Variants in CEP78 observed in about 807,000 individuals in gnomAD.
The protein encoded by CEP78 is centrosomal protein of 78 kDa.
A neutral mutation model predicts 81.2 loss-of-function variants in CEP78; 76 were observed. The ratio of observed to expected loss-of-function variants is 0.94; its 90% CI spans 0.78 to 1.13. The LOEUF (loss-of-function observed/expected upper bound fraction) is 1.13, where lower values mean the gene tolerates loss of function less well. CEP78 is among the 50% of genes most tolerant of loss of function. CEP78 has a pLI of 0.00. For synonymous variants in CEP78, 293 were observed against 301.4 expected, an observed-to-expected ratio of 0.97 and a Z score of 0.29; for missense variants, 918 against 846.8, an observed-to-expected ratio of 1.08 and a Z score of -1.04.
Position 78,265,855 on chromosome 9 carries a change from C to A in CEP78, c.1798-4C>A. On this transcript the variant is annotated splice_region_variant and splice_polypyrimidine_tract_variant and intron_variant, in intron 14 of 16. Coordinates refer to ENST00000643273, the MANE Select transcript of CEP78 (RefSeq NM_001330691.3). ...AATGTCTATTCTATTCATATTCCAT[C>A]TAGGTTTCTATTTGTATGCAGTCAG... 7.6e-7 allele frequency: 1 copy of A among 1,322,114 alleles called. No individual in the cohort carries two copies. The highest frequency in any genetic ancestry group is 1.1e-6 in the Non-Finnish European group (1 of 937,854). The allele number at this position is 1,322,114 out of a possible 1,614,324, so 81.9% of individuals were successfully genotyped here. A position where few individuals can be genotyped will look rare whatever the true frequency, so the allele number is the denominator to read the frequency against.
Position 78,240,351 on chromosome 9 carries a change from T to G in CEP78, c.486T>G (p.Asp162Glu), listed in dbSNP as rs987310914. Residue 162 changes from aspartate (D) to glutamate (E), a missense_variant, in exon 3 of 17, where the codon GAT (aspartate) becomes GAG (glutamate). Transcript: ENST00000643273. ...CTCTTGCAAATTGTCCAATTGGAGA[T>G]GGAGGTTTAGAAAGTGAGTTTAAAT... is the stretch of plus-strand genomic sequence containing the variant. The part of the protein sequence containing the change: ...HLSLANCPIG[D>E]GGLEIICQGI... 3 of 1,583,290 alleles carry G rather than the reference T, an allele frequency of 1.9e-6. No homozygotes were observed. Among genetic ancestry groups the G allele is most frequent in the Middle Eastern group, 1.7e-4 (1 of 6,046 alleles).
At chr9:78,254,448 ACT>A (rs952391235) in intron 10 of CEP78, 1 of 152,870 alleles carries the variant, frequency 6.5e-6, no homozygotes, top group African/African-American at 2.4e-5. Context: ...TGTCTTTAAG[ACT>A]CTGTGTGTGA....
chr9:78,270,930 A>G lies in CEP78; in HGVS notation c.*79A>G, dbSNP rs1439812117. On this transcript the variant is annotated 3_prime_UTR_variant, in exon 17 of 17. Transcript: ENST00000643273. ...ATTTGAACAGTGAAATTTCTGGAAG[A>G]TAAGAAGCAGATGATTTAAGTACCA... is the stretch of plus-strand genomic sequence containing the variant. The G allele has an allele frequency of 9.4e-6, 6 of 640,832 alleles. No homozygotes were observed. Among genetic ancestry groups the G allele is most frequent in the Non-Finnish European group, 8.3e-6 (3 of 362,344 alleles). 39.7% of individuals were successfully genotyped at this position (640,832 alleles called of 1,614,324 possible).
chr9:78,248,432 C>A, intron 7 of CEP78, 77 bp downstream of exon 7: 1 of 953,132 alleles, frequency 1.0e-6, no homozygotes, highest in Non-Finnish European at 1.7e-6. Context: ...TACTGCCCAG[C>A]CTGGCCTCAA....
chr9:78,237,567 T>C (rs1826014467), intron 1 of CEP78, among the ~76,000 whole-genome samples: 1 of 152,058 alleles, frequency 6.6e-6, no homozygotes, highest in Non-Finnish European at 1.5e-5. Flanking sequence ...GTTACAGGAC[T>C]GGAATTTAGG....
intron 11 of CEP78, among the ~76,000 whole-genome samples, chr9:78,260,294 T>A (rs1218043389): frequency 6.6e-6 from 1 of 152,150 alleles, no homozygotes; most frequent in East Asian, 1.9e-4. Flanking sequence ...ACCTTCATGC[T>A]TAAAAGTGGT....
rs1827751505 is a variant in CEP78, at chr9:78,273,969, C to G, written c.*3118C>G. On this transcript the variant is annotated 3_prime_UTR_variant, in exon 17 of 17. Transcript: ENST00000643273. The stretch of plus-strand genomic sequence containing the variant: ...GTAGGAATGCAAAATGACTCAGTCA[C>G]TCAAAACAGTTTGGCAGATTCTTTA... 1 of 152,238 alleles carries G rather than the reference C, an allele frequency of 6.6e-6. No homozygotes were observed. The highest frequency in any genetic ancestry group is 1.5e-5 in the Non-Finnish European group (1 of 68,036). The allele number at this position is 152,238 out of a possible 1,614,324, so 9.4% of individuals were successfully genotyped here.
At position 78,273,936 on chromosome 9, in the gene CEP78, C is replaced by T. The variant is rs1303352400; in HGVS notation, c.*3085C>T. ...AATATGCAGAGCAACTGGAGTTCCT[C>T]ACAGCTGGTAGGAATGCAAAATGAC... On this transcript the variant is annotated 3_prime_UTR_variant, in exon 17 of 17. Coordinates refer to ENST00000643273, the MANE Select transcript of CEP78 (RefSeq NM_001330691.3). 6.6e-6 allele frequency: 1 copy of T among 152,238 alleles called. No homozygotes were observed. Among genetic ancestry groups the T allele is most frequent in the Admixed American group, 6.5e-5 (1 of 15,280 alleles). 9.4% of individuals were successfully genotyped at this position (152,238 alleles called of 1,614,324 possible). A position where few individuals can be genotyped will look rare whatever the true frequency, so the allele number is the denominator to read the frequency against.
Position 78,236,171 on chromosome 9 carries a change from G to C in CEP78, c.-180G>C, listed in dbSNP as rs1307821797. ...CGCGGGAGTGGGGCGTTGAGGGGCCGGCCTAGCTTGGGGCTCTGGCCTTGC... is the reference window on the plus strand; with the variant it reads ...CGCGGGAGTGGGGCGTTGAGGGGCCCGCCTAGCTTGGGGCTCTGGCCTTGC... On this transcript the variant is annotated 5_prime_UTR_variant, in exon 1 of 17. Coordinates refer to ENST00000643273, the MANE Select transcript of CEP78 (RefSeq NM_001330691.3). The C allele has an allele frequency of 3.4e-6, 2 of 591,222 alleles. No individual in the cohort carries two copies. The highest frequency in any genetic ancestry group is 2.9e-6 in the Non-Finnish European group (1 of 347,126). The allele number at this position is 591,222 out of a possible 1,614,324, so 36.6% of individuals were successfully genotyped here. A position where few individuals can be genotyped will look rare whatever the true frequency, so the allele number is the denominator to read the frequency against.
chr9:78,266,763 T>A, intron 16 of CEP78, 60 bp downstream of exon 16: 1 of 1,593,570 alleles, frequency 6.3e-7, no homozygotes, highest in Admixed American at 1.7e-5. Flanking sequence ...GCATTCCTGA[T>A]CTGACTGTCC....
chr9:78,262,195 A>T (rs1413116958), intron 11 of CEP78, among the ~76,000 whole-genome samples: 1 of 149,150 alleles, frequency 6.7e-6, no homozygotes. Flanking sequence ...CATCATAGGG[A>T]TGTGCTATTT....
At chr9:78,269,293 CATT>C (rs1408771095) in intron 16 of CEP78, among the ~76,000 whole-genome samples, 1 of 152,082 alleles carries the variant, frequency 6.6e-6, no homozygotes, top group African/African-American at 2.4e-5. Flanking sequence ...GTGGTGGTAT[CATT>C]GAGGCTGAGA....
At position 78,236,454 on chromosome 9, in the gene CEP78, G is replaced by A. The variant is rs756200672; in HGVS notation, c.104G>A (p.Arg35His). Residue 35 changes from arginine to histidine, a missense_variant, in exon 1 of 17, where the codon CGC becomes CAC. Coordinates refer to ENST00000643273, the MANE Select transcript of CEP78 (RefSeq NM_001330691.3). ...AACTCGGTGCCGCTGCCCGCCGTGCGCGCCTGTCTCCGGGAGGGCGTGCTG... is the reference window on the plus strand; with the variant it reads ...AACTCGGTGCCGCTGCCCGCCGTGCACGCCTGTCTCCGGGAGGGCGTGCTG... ...LQNSVPLPAVRACLREGVLDF... is the reference protein window; with the variant it reads ...LQNSVPLPAVHACLREGVLDF... The A allele has an allele frequency of 1.2e-6, 2 of 1,605,160 alleles. No individual in the cohort carries two copies. Among genetic ancestry groups the A allele is most frequent in the Non-Finnish European group, 1.7e-6 (2 of 1,176,166 alleles).
chr9:78,246,597 C>A, intron 5 of CEP78, 72 bp from the exon 6 acceptor site: 1 of 968,186 alleles, frequency 1.0e-6, no homozygotes. Context: ...GAGACTCCGT[C>A]TCAAAAAAAC....
In CEP78 at chr9:78,278,612, C is replaced by G. The variant is rs563549242; in HGVS notation, c.*7761C>G. ...CAATCCACTAATGGGTAATGTCCTA[C>G]TGTTTGGAAACACTGGCTAGAGTGT... On this transcript the variant is annotated 3_prime_UTR_variant, in exon 17 of 17. Transcript: ENST00000643273. 16 of 152,326 alleles carry G rather than the reference C, an allele frequency of 1.1e-4. No individual in the cohort carries two copies. Among genetic ancestry groups the G allele is most frequent in the Admixed American group, 9.1e-4 (14 of 15,302 alleles). 9.4% of individuals were successfully genotyped at this position (152,326 alleles called of 1,614,324 possible). A position where few individuals can be genotyped will look rare whatever the true frequency, so the allele number is the denominator to read the frequency against.
In CEP78 at chr9:78,265,370, A is replaced by G. The variant is rs1057518753; in HGVS notation, c.1626-2A>G. The stretch of plus-strand genomic sequence containing the variant: ...TTTTCCTCCTTTTCTTCTCTCGACC[A>G]GGCTTGGGCAGCTTGCCACAATGGC... On this transcript the variant is annotated splice_acceptor_variant, in intron 13 of 16. Transcript: ENST00000643273. LOFTEE classifies it high-confidence loss of function. 6.3e-7 allele frequency: 1 copy of G among 1,575,466 alleles called. No homozygotes were observed. Among genetic ancestry groups the G allele is most frequent in the Non-Finnish European group, 8.6e-7 (1 of 1,165,332 alleles).
intron 1 of CEP78, among the ~76,000 whole-genome samples, chr9:78,238,545 G>A (rs1042939457): frequency 1.9e-4 from 29 of 152,114 alleles, no homozygotes; most frequent in Admixed American, 5.2e-4. Context: ...GAGGGTGTGC[G>A]ATCTGGGAGA....
chr9:78,243,358 GGT>G, intron 4 of CEP78, 102 bp from the exon 5 acceptor site: 4 of 900,764 alleles, frequency 4.4e-6, no homozygotes, highest in Non-Finnish European at 4.9e-6. Context: ...ATATGTACCT[GGT>G]GTGTGTGTAA....
At position 78,270,939 on chromosome 9, in the gene CEP78, A is replaced by T; in HGVS notation, c.*88A>T. The T allele has an allele frequency of 1.6e-6, 1 of 626,844 alleles. No individual in the cohort carries two copies. Among genetic ancestry groups the T allele is most frequent in the Non-Finnish European group, 2.8e-6 (1 of 355,998 alleles). 38.8% of individuals were successfully genotyped at this position (626,844 alleles called of 1,614,324 possible). A position where few individuals can be genotyped will look rare whatever the true frequency, so the allele number is the denominator to read the frequency against. Reference sequence around the variant, plus strand: ...GTGAAATTTCTGGAAGATAAGAAGCAGATGATTTAAGTACCAGTTAATTAA... The same window carrying T: ...GTGAAATTTCTGGAAGATAAGAAGCTGATGATTTAAGTACCAGTTAATTAA... On this transcript the variant is annotated 3_prime_UTR_variant, in exon 17 of 17. Coordinates refer to ENST00000643273, the MANE Select transcript of CEP78 (RefSeq NM_001330691.3).
Sources: gnomAD v4.1 joint callset for allele counts (sites outside exome capture counted in the v4.1 genomes callset) on GRCh38, gnomAD v4.1.1 for gene constraint, MANE v1.5 for transcripts, NCBI Gene and HGNC (gene_info 2026-07-23, HGNC 2026-07-21) for gene names.